The following XXYLT1 variants were observed in gnomAD, a reference collection of about 807,000 sequenced individuals.
XXYLT1 encodes xyloside xylosyltransferase 1.
In XXYLT1, 20 loss-of-function variants were observed where a neutral mutation model predicts 28.9. The ratio of observed to expected loss-of-function variants is 0.69; its 90% confidence interval spans 0.49 to 1.00. The LOEUF (loss-of-function observed/expected upper bound fraction) is 1.00. Among genes scored for constraint, XXYLT1 ranks in the 50% least tolerant of loss-of-function variants. The pLI is 0.00. For synonymous variants in XXYLT1, 257 were observed against 253.8 expected, an observed-to-expected ratio of 1.01 and a Z score of -0.12; for missense variants, 542 against 560.1, an observed-to-expected ratio of 0.97 and a Z score of 0.33.
intron 3 of XXYLT1, among the ~76,000 whole-genome samples, chr3:195,125,919 G>A (rs1330317087): frequency 1.3e-5 from 2 of 152,162 alleles, no homozygotes; most frequent in African/African-American, 2.4e-5. Flanking sequence ...CAACAGGGAA[G>A]GTGCGGGCAG....
At chr3:195,194,965 T>A (rs77494714) in intron 2 of XXYLT1, among the ~76,000 whole-genome samples, 5,202 of 152,298 alleles carry the variant, frequency 0.034, 155 homozygotes, top group East Asian at 0.1. Context: ...GGAAAGGTTC[T>A]AACACCGAAT....
At chr3:195,141,443 T>C (rs1050151070) in intron 3 of XXYLT1, among the ~76,000 whole-genome samples, 2 of 152,100 alleles carry the variant, frequency 1.3e-5, no homozygotes, top group African/African-American at 4.8e-5. Flanking sequence ...TGAGAGAAAA[T>C]GTTACATCAT....
Position 195,156,525 on chromosome 3 carries a change from C to A in XXYLT1, c.709G>T (p.Glu237Ter), listed in dbSNP as rs1720602758. The change falls in exon 3 of 4, where the codon GAG becomes TAG. Residue 237 changes from glutamate to a stop codon, truncating the protein, a stop_gained. Coordinates refer to ENST00000310380, the MANE Select transcript of XXYLT1 (RefSeq NM_152531.5). LOFTEE classifies it high-confidence loss of function. Reference protein sequence around the residue: ...LDLKFKTNIRELFEEFDSFLP... With the variant: ...LDLKFKTNIR The stretch of plus-strand genomic sequence containing the variant: ...AAACTGTCAAATTCCTCAAACAACT[C>A]CCGGATGTTGGTCTTAAACTTCAGG... 1 of 1,614,116 alleles carries A rather than the reference C, an allele frequency of 6.2e-7. No homozygotes were observed. Among genetic ancestry groups the A allele is most frequent in the South Asian group, 1.1e-5 (1 of 91,094 alleles).
At position 195,226,847 on chromosome 3, in the gene XXYLT1, GGAA is replaced by G. The variant is rs1392412153; in HGVS notation, c.511_513del (p.Phe171del). 8 of 1,613,294 alleles carry G rather than the reference GGAA, an allele frequency of 5.0e-6. No individual in the cohort carries two copies. Among genetic ancestry groups the G allele is most frequent in the Non-Finnish European group, 6.8e-6 (8 of 1,179,852 alleles). On this transcript the variant is annotated inframe_deletion, in exon 2 of 4. Coordinates refer to ENST00000310380, the MANE Select transcript of XXYLT1 (RefSeq NM_152531.5). ...TTATCCGTCAGCACAGCAACATCGT[GGAA>G]GATGACCTGCAGCAGGTGCAAAAAA... is the stretch of plus-strand genomic sequence containing the variant.
chr3:195,180,855 G>A lies in XXYLT1; in HGVS notation c.653-24274C>T, dbSNP rs1261402792. On this transcript the variant is annotated intron_variant, in intron 2 of 3. Transcript: ENST00000310380. This position sits in a 1 kb window ranked among gnomAD's most constrained non-coding sequence, Gnocchi z 5.8. ...ACTTTGCTCGTGAGGGGTCCTCAAG[G>A]CCACTGTCGCCCAGACCTTTAGCTA... Among the ~76,000 whole-genome samples, 1 of 152,200 alleles carries A rather than the reference G, an allele frequency of 6.6e-6. No homozygotes were observed. The highest frequency in any genetic ancestry group is 1.5e-5 in the Non-Finnish European group (1 of 68,036).
At chr3:195,202,349 T>G (rs560491439) in intron 2 of XXYLT1, among the ~76,000 whole-genome samples, 1 of 129,306 alleles carries the variant, frequency 7.7e-6, no homozygotes, top group Non-Finnish European at 1.5e-5. Context: ...AAACAGACAA[T>G]GGAATAGGGC....
In XXYLT1 at chr3:195,113,994, T is replaced by G. The variant is rs562684012; in HGVS notation, c.785+42455A>C. 3.3e-5 allele frequency among the ~76,000 whole-genome samples: 5 copies of G among 152,290 alleles called. No individual in the cohort carries two copies. The South Asian group carries it at 1.0e-3, about 32-fold the overall frequency. ...AAGCAAAGATAAGCAGGTGAAAGCT[T>G]GGCACAGCATCTGGGAGCCATGAGT... On this transcript the variant is annotated intron_variant, in intron 3 of 3. Transcript: ENST00000310380.
chr3:195,163,081 T>C (rs1052730231), intron 2 of XXYLT1, among the ~76,000 whole-genome samples: 1 of 152,198 alleles, frequency 6.6e-6, no homozygotes, highest in Admixed American at 6.5e-5. Flanking sequence ...AGACCGATGA[T>C]GCTTAGTCTT....
rs569757329 is a variant in XXYLT1 at position 195,141,053 on chromosome 3, A to G, written c.785+15396T>C. On this transcript the variant is annotated intron_variant, in intron 3 of 3. Coordinates refer to ENST00000310380, the MANE Select transcript of XXYLT1 (RefSeq NM_152531.5). ...GATACAAGACGGCCATCTGCAAACC[A>G]GGAAGTAGGCCCTCACCACATACCT... Among the ~76,000 whole-genome samples, 8 of 152,318 alleles carry G rather than the reference A, an allele frequency of 5.3e-5. No individual in the cohort carries two copies. The South Asian group carries it at 1.7e-3, about 32-fold the overall frequency.
rs1577115591 is a variant in XXYLT1, at chr3:195,180,230, C to A, written c.653-23649G>T. ...GTCATTTCTAACGCCAGATCCCCGTCTCTGCACTGACACCGGGGGTGGTGA... is the reference window on the plus strand; with the variant it reads ...GTCATTTCTAACGCCAGATCCCCGTATCTGCACTGACACCGGGGGTGGTGA... On this transcript the variant is annotated intron_variant, in intron 2 of 3. Transcript: ENST00000310380. This position sits in a 1 kb window ranked among gnomAD's most constrained non-coding sequence, Gnocchi z 5.8. The A allele has an allele frequency of 3.7e-6, 3 of 806,326 alleles. No homozygotes were observed. Among genetic ancestry groups the A allele is most frequent in the Middle Eastern group, 6.3e-4 (1 of 1,600 alleles). The allele number at this position is 806,326 out of a possible 1,614,324, so 49.9% of individuals were successfully genotyped here.
At chr3:195,107,405 T>G (rs1353562238) in intron 3 of XXYLT1, among the ~76,000 whole-genome samples, 2 of 125,856 alleles carry the variant, frequency 1.6e-5, no homozygotes. Context: ...ACCCAGGAGG[T>G]GGAGCTTGCA....
chr3:195,093,712 A>AATAC (rs941362368), intron 3 of XXYLT1: 1 of 152,018 alleles, frequency 6.6e-6, no homozygotes, highest in African/African-American at 2.4e-5. Flanking sequence ...TAAATAAATA[A>AATAC]ATAAAATTAG....
In XXYLT1 at chr3:195,173,614, C is replaced by T. The variant is rs1050509479; in HGVS notation, c.653-17033G>A. Among the ~76,000 whole-genome samples, 1 of 152,208 alleles carries T rather than the reference C, an allele frequency of 6.6e-6. No individual in the cohort carries two copies. The highest frequency in any genetic ancestry group is 2.4e-5 in the African/African-American group (1 of 41,446). ...TGGTTTTCAAATGGCCAGTGAGCTT[C>T]CCACTTTTCCAAATTCCCTTCCTCC... On this transcript the variant is annotated intron_variant, in intron 2 of 3. Coordinates refer to ENST00000310380, the MANE Select transcript of XXYLT1 (RefSeq NM_152531.5). The surrounding 1 kb of genome is among the most constrained non-coding windows in gnomAD (Gnocchi z 4.3).
chr3:195,207,309 A>C (rs1723115496), intron 2 of XXYLT1: 1 of 360,426 alleles, frequency 2.8e-6, no homozygotes. Context: ...TACATCAGAG[A>C]TGCCACACGT....
intron 2 of XXYLT1, among the ~76,000 whole-genome samples, chr3:195,182,595 T>C (rs2108739784): frequency 6.6e-6 from 1 of 152,314 alleles, no homozygotes; most frequent in Admixed American, 6.5e-5. Flanking sequence ...GGAAACATCC[T>C]GCTTGTTTTT....
At chr3:195,207,798 C>T (rs1252145060) in intron 2 of XXYLT1, among the ~76,000 whole-genome samples, 1 of 152,236 alleles carries the variant, frequency 6.6e-6, no homozygotes, top group Non-Finnish European at 1.5e-5. Context: ...TTGGCTAGGG[C>T]TCAACTATGT....
intron 3 of XXYLT1, among the ~76,000 whole-genome samples, chr3:195,099,964 G>C (rs1421003303): frequency 6.6e-6 from 1 of 152,052 alleles, no homozygotes; most frequent in African/African-American, 2.4e-5. Flanking sequence ...GCACAAAATG[G>C]AGGGAGAAGA....
In XXYLT1 at chr3:195,115,574, G is replaced by A. The variant is rs574507754; in HGVS notation, c.785+40875C>T. Among the ~76,000 whole-genome samples, 5 of 152,300 alleles carry A rather than the reference G, an allele frequency of 3.3e-5. No individual in the cohort carries two copies. In the East Asian group the frequency reaches 7.7e-4, roughly 23 times the overall value. On this transcript the variant is annotated intron_variant, in intron 3 of 3. Coordinates refer to ENST00000310380, the MANE Select transcript of XXYLT1 (RefSeq NM_152531.5). The surrounding 1 kb of genome is among the most constrained non-coding windows in gnomAD (Gnocchi z 4.2). Reference sequence around the variant, plus strand: ...GTTGATAAACCCTGCCTGGCAAACCGAGCACGCGTGAAGGCCTCAGGAGCC... The same window carrying A: ...GTTGATAAACCCTGCCTGGCAAACCAAGCACGCGTGAAGGCCTCAGGAGCC...
intron 3 of XXYLT1, among the ~76,000 whole-genome samples, chr3:195,120,901 T>C (rs951114705): frequency 1.3e-5 from 2 of 152,206 alleles, no homozygotes; most frequent in Non-Finnish European, 2.9e-5. Flanking sequence ...TCAGGGTTCC[T>C]AGGGCTTACT....
Sources: gnomAD v4.1 joint callset for allele counts (sites outside exome capture counted in the v4.1 genomes callset) on GRCh38, gnomAD v4.1.1 for gene constraint, Gnocchi (gnomAD v3.1) non-coding constraint, MANE v1.5 for transcripts, NCBI Gene and HGNC (gene_info 2026-07-23, HGNC 2026-07-21) for gene names.